The following MAP3K5 variants were observed in gnomAD, a reference collection of about 807,000 sequenced individuals.
MAP3K5 encodes mitogen-activated protein kinase kinase kinase 5.
Under a neutral mutation model 158.7 loss-of-function variants are expected in MAP3K5, and 56 were observed. The observed-to-expected ratio is 0.35, with a 90% CI of 0.28 to 0.44. The LOEUF is 0.44. MAP3K5 is among the 20% of genes least tolerant of loss of function. MAP3K5 has a pLI of 1.00. For missense variants in MAP3K5, 1,294 were observed against 1,674.8 expected, an observed-to-expected ratio of 0.77 and a Z score of 3.97; for synonymous variants, 579 against 601.7, an observed-to-expected ratio of 0.96 and a Z score of 0.55.
At chr6:136,605,424 T>G (rs978030390) in intron 18 of MAP3K5, 58 bp from the exon 19 acceptor site, 22 of 1,431,984 alleles carry the variant, frequency 1.5e-5, no homozygotes, top group Non-Finnish European at 2.1e-5. Context: ...GGGTATCTAA[T>G]GACAGTTTTT....
intron 1 of MAP3K5, among the ~76,000 whole-genome samples, chr6:136,745,423 G>C (rs764498710): frequency 7.2e-5 from 11 of 152,110 alleles, no homozygotes; most frequent in Non-Finnish European, 1.6e-4. Flanking sequence ...GGTTTTGTCA[G>C]GGCACTCAAA....
chr6:136,758,106 G>A (rs371027068), intron 1 of MAP3K5, among the ~76,000 whole-genome samples: 26 of 152,252 alleles, frequency 1.7e-4, no homozygotes, highest in Middle Eastern at 3.4e-3. Flanking sequence ...AGGCACTTTG[G>A]TAATTTAGGA....
At chr6:136,580,433 C>A in intron 24 of MAP3K5, 27 bp from the exon 25 acceptor site, 1 of 1,465,334 alleles carries the variant, frequency 6.8e-7, no homozygotes, top group Non-Finnish European at 9.5e-7. Context: ...ATTTAGCCTA[C>A]TTTAATTTTT....
At chr6:136,562,666 CTTT>C (rs761672220) in intron 26 of MAP3K5, 51 bp from the exon 27 acceptor site, 3 of 948,388 alleles carry the variant, frequency 3.2e-6, no homozygotes, top group South Asian at 3.1e-5. Context: ...GGGTGACCTT[CTTT>C]TTTTTATTTT....
chr6:136,682,822 A>G (rs1163216932), intron 7 of MAP3K5, among the ~76,000 whole-genome samples: 1 of 152,196 alleles, frequency 6.6e-6, no homozygotes, highest in Non-Finnish European at 1.5e-5. Context: ...TGCCTATCCT[A>G]CATGGTGCCA....
chr6:136,781,816 G>A (rs924275351), intron 1 of MAP3K5, among the ~76,000 whole-genome samples: 3 of 152,156 alleles, frequency 2.0e-5, no homozygotes, highest in Non-Finnish European at 2.9e-5. Flanking sequence ...AGGCCAAAGC[G>A]GTGGCCCCTG....
chr6:136,774,139 C>T (rs1028547729), intron 1 of MAP3K5, among the ~76,000 whole-genome samples: 6 of 152,102 alleles, frequency 3.9e-5, no homozygotes, highest in Admixed American at 2.6e-4. Context: ...CAAATGTCAC[C>T]TCCTGTCCAA....
In MAP3K5 at chr6:136,557,752, CA is replaced by C. The variant is rs1384365069; in HGVS notation, c.*5del. ...AATTTCCATCGAAGATTAGATTGAG[CA>C]ACAGTCAAGTCTGTTTGTTTCGAAA... On this transcript the variant is annotated 3_prime_UTR_variant, in exon 30 of 30. Transcript: ENST00000359015. The C allele has an allele frequency of 1.8e-5, 28 of 1,599,556 alleles. No individual in the cohort carries two copies. Among genetic ancestry groups the C allele is most frequent in the Non-Finnish European group, 2.4e-5 (28 of 1,167,016 alleles).
At chr6:136,587,839 G>A (rs776212313) in intron 23 of MAP3K5, among the ~76,000 whole-genome samples, 4 of 152,186 alleles carry the variant, frequency 2.6e-5, no homozygotes, top group Non-Finnish European at 5.9e-5. Flanking sequence ...TCCTTTTACA[G>A]AGGACATTCA....
At chr6:136,729,947 A>G (rs1417097272) in intron 1 of MAP3K5, among the ~76,000 whole-genome samples, 1 of 152,192 alleles carries the variant, frequency 6.6e-6, no homozygotes, top group East Asian at 1.9e-4. Context: ...ATGATTTGCC[A>G]TTAACATAGT....
chr6:136,645,790 C>T (rs1442078441), intron 11 of MAP3K5, among the ~76,000 whole-genome samples: 1 of 152,128 alleles, frequency 6.6e-6, no homozygotes, highest in Non-Finnish European at 1.5e-5. Flanking sequence ...AAAGTATATA[C>T]TAGCTCACAG....
chr6:136,737,276 C>T (rs1227127594), intron 1 of MAP3K5, among the ~76,000 whole-genome samples: 1 of 152,010 alleles, frequency 6.6e-6, no homozygotes, highest in Non-Finnish European at 1.5e-5. Flanking sequence ...GAAGAACTAC[C>T]TATTGGATAT....
intron 6 of MAP3K5, among the ~76,000 whole-genome samples, chr6:136,695,531 T>C (rs929194384): frequency 2.6e-5 from 4 of 152,244 alleles, no homozygotes; most frequent in Non-Finnish European, 5.9e-5. Context: ...AATTCCTTTT[T>C]ATCCTTGGTA....
At chr6:136,657,389 A>C (rs575422175) in intron 9 of MAP3K5, among the ~76,000 whole-genome samples, 1 of 152,346 alleles carries the variant, frequency 6.6e-6, no homozygotes, top group Admixed American at 6.5e-5. Context: ...TGCGAGTACC[A>C]TTGCATAGAA....
Position 136,561,579 on chromosome 6 carries a change from G to A in MAP3K5, c.3941C>T (p.Thr1314Ile), listed in dbSNP as rs45599539. Residue 1314 changes from threonine to isoleucine, a missense_variant, in exon 28 of 30, where the codon ACC becomes ATC. Around this residue, in one of 5 missense-constraint regions of MAP3K5, gnomAD observed 199 missense variants for 220.3 expected, o/e 0.90. Transcript: ENST00000359015. ...SGTNTEDSEL[T>I]DWLRVNGADE... Reference sequence around the variant, plus strand: ...AGCTCCATTCACTCTCAGCCAGTCGGTAAGTTCAGAATCTTCAGTATTTGT... The same window carrying A: ...AGCTCCATTCACTCTCAGCCAGTCGATAAGTTCAGAATCTTCAGTATTTGT... 0.015 allele frequency: 24,084 copies of A among 1,613,614 alleles called. 242 individuals carry two copies. Among genetic ancestry groups the A allele is most frequent in the Non-Finnish European group, 0.017 (20,120 of 1,179,532 alleles).
intron 1 of MAP3K5, among the ~76,000 whole-genome samples, chr6:136,731,709 T>C (rs569941335): frequency 1.6e-4 from 25 of 152,232 alleles, no homozygotes; most frequent in Non-Finnish European, 3.4e-4. Context: ...AGAAGCTGCA[T>C]GATAACGAAG....
At chr6:136,642,091 A>AAAAT (rs1778003486) in intron 12 of MAP3K5, among the ~76,000 whole-genome samples, 1 of 145,498 alleles carries the variant, frequency 6.9e-6, no homozygotes. Context: ...AAAATAAAAT[A>AAAAT]AAATTAGTGG....
At chr6:136,572,632 T>G (rs1053925490) in intron 25 of MAP3K5, among the ~76,000 whole-genome samples, 1 of 152,240 alleles carries the variant, frequency 6.6e-6, no homozygotes, top group African/African-American at 2.4e-5. Flanking sequence ...CCTATTATAT[T>G]TAAATATCCT....
chr6:136,598,148 C>G (rs1323614935), intron 21 of MAP3K5, among the ~76,000 whole-genome samples: 3 of 152,226 alleles, frequency 2.0e-5, no homozygotes, highest in African/African-American at 7.2e-5. Flanking sequence ...TCCCCTTTTA[C>G]TTTAAGCACC....
Sources: allele counts gnomAD v4.1 joint callset (sites outside exome capture counted in the v4.1 genomes callset), GRCh38; gene constraint gnomAD v4.1.1; regional missense constraint gnomAD v4.1.1; transcripts MANE v1.5; gene names NCBI Gene and HGNC (gene_info 2026-07-23, HGNC 2026-07-21).